Variants in PNO1 observed in about 807,000 individuals in gnomAD.
PNO1 encodes the protein partner of NOB1 homolog.
Under a neutral mutation model 28.4 loss-of-function variants are expected in PNO1, and 16 were observed. The observed-to-expected ratio is 0.56, with a 90% confidence interval of 0.38 to 0.85. The LOEUF (loss-of-function observed/expected upper bound fraction) is 0.85, where lower values mean the gene tolerates loss of function less well. PNO1 is among the 40% of genes least tolerant of loss of function. The pLI, the probability that PNO1 is intolerant of heterozygous loss-of-function variation, is 0.00. For missense variants in PNO1, 304 were observed against 312.2 expected, an observed-to-expected ratio of 0.97 and a Z score of 0.20; for synonymous variants, 115 against 110.8, an observed-to-expected ratio of 1.04 and a Z score of -0.24.
chr2:68,165,390 A>C (rs866309291), intron 5 of PNO1, among the ~76,000 whole-genome samples: 2,237 of 142,460 alleles, frequency 0.016, 79 homozygotes, highest in African/African-American at 0.056. Context: ...CAACAAAAAA[A>C]AAAAAACTAG....
At chr2:68,158,601 G>A in intron 2 of PNO1, 72 bp downstream of exon 2, 1 of 1,334,464 alleles carries the variant, frequency 7.5e-7, no homozygotes, top group African/African-American at 1.5e-5. Flanking sequence ...GCATGAATAG[G>A]CTTTACTTAA....
At chr2:68,173,118 GT>G in intron 5 of PNO1, 1 of 245,280 alleles carries the variant, frequency 4.1e-6, no homozygotes, top group East Asian at 6.5e-5. Flanking sequence ...AAGAGAGAGG[GT>G]TTTGGTCTGT....
chr2:68,164,971 A>G (rs904420766), intron 5 of PNO1, among the ~76,000 whole-genome samples: 1 of 152,052 alleles, frequency 6.6e-6, no homozygotes, highest in African/African-American at 2.4e-5. Flanking sequence ...GAGCATTCCG[A>G]GTGTGTACCA....
chr2:68,164,529 G>C (rs143852135), intron 5 of PNO1, among the ~76,000 whole-genome samples: 52 of 152,150 alleles, frequency 3.4e-4, no homozygotes, highest in Non-Finnish European at 6.8e-4. Context: ...TGGGCGCAGT[G>C]GATCATGCCC....
rs202238587 is a variant in PNO1 at position 68,158,073 on chromosome 2, A to T, written c.139A>T (p.Met47Leu). The T allele has an allele frequency of 1.9e-6, 3 of 1,613,602 alleles. No individual in the cohort carries two copies. In the African/African-American group the frequency reaches 4.0e-5, roughly 22 times the overall value. ...AAGEGGDAGR[M>L]DTEEARPAKR... Reference sequence around the variant, plus strand: ...AGGAGAGGGCGGGGATGCGGGCCGCATGGACACAGAGGAGGCCAGGCCGGC... The same window carrying T: ...AGGAGAGGGCGGGGATGCGGGCCGCTTGGACACAGAGGAGGCCAGGCCGGC... The change falls in exon 1 of 7, where the codon ATG (methionine) becomes TTG (leucine). Residue 47 changes from methionine to leucine, a missense_variant. Met to Leu is a conservative substitution (Grantham distance 15). Transcript: ENST00000263657.
chr2:68,165,102 C>T (rs906806238), intron 5 of PNO1, among the ~76,000 whole-genome samples: 4 of 152,036 alleles, frequency 2.6e-5, no homozygotes, highest in African/African-American at 9.7e-5. Context: ...CGGTGGCTCA[C>T]ACCTGTAATC....
chr2:68,161,622 G>C lies in PNO1; in HGVS notation c.358-61G>C. On this transcript the variant is annotated intron_variant, in intron 2 of 6. Transcript: ENST00000263657. ...TGGGAAAGGACATTTCCAGTATTTT[G>C]TTAGGACATTTTCTGTTTGATTCTC... 4.9e-6 allele frequency: 5 copies of C among 1,021,912 alleles called. No individual in the cohort carries two copies. In the South Asian group the frequency reaches 5.3e-5, roughly 11 times the overall value. The allele number at this position is 1,021,912 out of a possible 1,614,324, so 63.3% of individuals were successfully genotyped here.
chr2:68,157,888 G>A lies in PNO1; in HGVS notation c.-47G>A. On this transcript the variant is annotated 5_prime_UTR_variant, in exon 1 of 7. Transcript: ENST00000263657. Reference sequence around the variant, plus strand: ...TGGCTGAGGCTGGCTTCTGCGTGGTGCAGCTGCGCACGTGTTTCAGCCGGC... The same window carrying A: ...TGGCTGAGGCTGGCTTCTGCGTGGTACAGCTGCGCACGTGTTTCAGCCGGC... The A allele has an allele frequency of 6.4e-7, 1 of 1,554,916 alleles. No homozygotes were observed. The highest frequency in any genetic ancestry group is 8.9e-7 in the Non-Finnish European group (1 of 1,128,380).
intron 2 of PNO1, 29 bp downstream of exon 2, chr2:68,158,558 A>G (rs779116220): frequency 1.9e-6 from 3 of 1,592,826 alleles, no homozygotes; most frequent in East Asian, 2.2e-5. Flanking sequence ...ATTTCCCAAT[A>G]CACCAGGCTT....
chr2:68,169,277 G>A (rs1674068213), intron 5 of PNO1, among the ~76,000 whole-genome samples: 1 of 152,076 alleles, frequency 6.6e-6, no homozygotes, highest in South Asian at 2.1e-4. Flanking sequence ...CTGCTTTGGA[G>A]CACTCCCAAC....
At chr2:68,168,759 A>T (rs534280682) in intron 5 of PNO1, among the ~76,000 whole-genome samples, 154 of 152,194 alleles carry the variant, frequency 1.0e-3, no homozygotes, top group African/African-American at 3.6e-3. Flanking sequence ...GCAAAACTGC[A>T]GGTGTATTCA....
Position 68,159,019 on chromosome 2 carries a change from C to T in PNO1, c.357+490C>T, listed in dbSNP as rs137908710. ...TTATATATTTTTTTCATATGGAAAACCAAATGTCCCAGCACCATTACTGAA... is the reference window on the plus strand; with the variant it reads ...TTATATATTTTTTTCATATGGAAAATCAAATGTCCCAGCACCATTACTGAA... On this transcript the variant is annotated intron_variant, in intron 2 of 6. Transcript: ENST00000263657. 2.7e-3 allele frequency among the ~76,000 whole-genome samples: 415 copies of T among 152,110 alleles called. 2 individuals carry two copies. The highest frequency in any genetic ancestry group is 6.3e-3 in the African/African-American group (261 of 41,458).
At chr2:68,162,707 T>A (rs1474446603) in intron 5 of PNO1, 44 bp downstream of exon 5, 3 of 1,214,428 alleles carry the variant, frequency 2.5e-6, no homozygotes, top group Admixed American at 1.7e-5. Context: ...AATTTATATT[T>A]GATCTTTTGT....
In PNO1 at chr2:68,158,029, C is replaced by T; in HGVS notation, c.95C>T (p.Ala32Val). 1.9e-6 allele frequency: 3 copies of T among 1,614,152 alleles called. No homozygotes were observed. Among genetic ancestry groups the T allele is most frequent in the Non-Finnish European group, 2.5e-6 (3 of 1,180,034 alleles). Reference protein sequence around the residue: ...KGGRRAKKRQAEQLSAAGEGG... With the variant: ...KGGRRAKKRQVEQLSAAGEGG... ...GGCCGACGGGCGAAGAAACGACAGG[C>T]TGAACAGCTGTCCGCAGCAGGAGAG... Residue 32 changes from alanine (A) to valine (V), a missense_variant, in exon 1 of 7, where the codon GCT becomes GTT. Physicochemically the swap from Ala to Val is moderately conservative, Grantham distance 64. Coordinates refer to ENST00000263657, the MANE Select transcript of PNO1 (RefSeq NM_020143.4).
At chr2:68,174,619 A>G (rs1288560359) in intron 6 of PNO1, 116 bp from the exon 7 acceptor site, 1 of 611,626 alleles carries the variant, frequency 1.6e-6, no homozygotes, top group African/African-American at 1.8e-5. Flanking sequence ...TGAGCATCCA[A>G]GGATTGTGGT....
chr2:68,161,840 T>TAAAA, intron 3 of PNO1, 74 bp downstream of exon 3: 1 of 815,394 alleles, frequency 1.2e-6, no homozygotes, highest in Non-Finnish European at 1.9e-6. Context: ...GATTAGGCAT[T>TAAAA]AAAAAAAAAA....
chr2:68,161,997 G>C (rs566254299), intron 3 of PNO1, among the ~76,000 whole-genome samples: 2 of 152,190 alleles, frequency 1.3e-5, no homozygotes, highest in East Asian at 3.9e-4. Context: ...AAATTAGCTG[G>C]GTGTGGTAGT....
chr2:68,168,167 CTTAT>C (rs574387363), intron 5 of PNO1, among the ~76,000 whole-genome samples: 99 of 152,318 alleles, frequency 6.5e-4, no homozygotes, highest in African/African-American at 2.0e-3. Flanking sequence ...GCCAAGTATA[CTTAT>C]TTAACAGGTT....
At chr2:68,171,317 A>C (rs1215714516) in intron 5 of PNO1, among the ~76,000 whole-genome samples, 1 of 152,162 alleles carries the variant, frequency 6.6e-6, no homozygotes, top group Non-Finnish European at 1.5e-5. Context: ...AAACGCCCCC[A>C]TGCTTTCTGC....
Sources: allele counts gnomAD v4.1 joint callset (sites outside exome capture counted in the v4.1 genomes callset), GRCh38; gene constraint gnomAD v4.1.1; transcripts MANE v1.5; gene names NCBI Gene and HGNC (gene_info 2026-07-23, HGNC 2026-07-21).